CAMKMT: variants seen among roughly 807,000 people sequenced by gnomAD.
CAMKMT encodes calmodulin-lysine N-methyltransferase.
CAMKMT carries 53 observed loss-of-function variants against 48.0 expected under a neutral mutation model. The observed-to-expected ratio is 1.10, with a 90% confidence interval of 0.89 to 1.39. The LOEUF (loss-of-function observed/expected upper bound fraction) is 1.39. Among genes scored for constraint, CAMKMT ranks in the 40% most tolerant of loss-of-function variants. The probability of loss-of-function intolerance (pLI) is 0.00; values close to 1 mark genes in which losing one functional copy is unlikely to be tolerated. For missense variants in CAMKMT, 428 were observed against 402.7 expected, an observed-to-expected ratio of 1.06 and a Z score of -0.54; for synonymous variants, 165 against 152.3, an observed-to-expected ratio of 1.08 and a Z score of -0.61.
chr2:44,636,032 A>G (rs749278946), intron 3 of CAMKMT, among the ~76,000 whole-genome samples: 1 of 152,248 alleles, frequency 6.6e-6, no homozygotes, highest in Non-Finnish European at 1.5e-5. Context: ...ACAAAACCAA[A>G]GAAGTTGATT....
chr2:44,511,461 G>T (rs554035227), intron 3 of CAMKMT, among the ~76,000 whole-genome samples: 2 of 152,050 alleles, frequency 1.3e-5, no homozygotes, highest in East Asian at 3.9e-4. Flanking sequence ...GCTAATTTTT[G>T]TATTTTTGGT....
intron 2 of CAMKMT, among the ~76,000 whole-genome samples, chr2:44,377,028 A>G (rs1679767850): frequency 1.3e-5 from 2 of 151,980 alleles, no homozygotes; most frequent in Non-Finnish European, 2.9e-5. Context: ...CTCTTTTTTG[A>G]GACGGTCTCA....
intron 3 of CAMKMT, among the ~76,000 whole-genome samples, chr2:44,621,005 A>C (rs957377882): frequency 2.0e-5 from 3 of 152,228 alleles, no homozygotes; most frequent in African/African-American, 7.2e-5. Flanking sequence ...GCGGTGGCTC[A>C]CGCCTATAAT....
intron 3 of CAMKMT, among the ~76,000 whole-genome samples, chr2:44,565,749 C>G (rs1668580275): frequency 6.6e-6 from 1 of 151,706 alleles, no homozygotes; most frequent in Non-Finnish European, 1.5e-5. Context: ...TATGTGGAGC[C>G]AAAACCACTG....
intron 3 of CAMKMT, among the ~76,000 whole-genome samples, chr2:44,471,380 T>C (rs1434564750): frequency 1.3e-5 from 2 of 152,134 alleles, no homozygotes; most frequent in African/African-American, 4.8e-5. Context: ...AGTGGATCAC[T>C]TGAGTCTAGG....
intron 3 of CAMKMT, among the ~76,000 whole-genome samples, chr2:44,393,740 G>A (rs545130104): frequency 6.6e-6 from 1 of 152,258 alleles, no homozygotes; most frequent in East Asian, 1.9e-4. Context: ...ATGTCGCTCA[G>A]ATACCTTGGG....
intron 3 of CAMKMT, among the ~76,000 whole-genome samples, chr2:44,421,911 C>A (rs1683958631): frequency 6.6e-6 from 1 of 152,132 alleles, no homozygotes; most frequent in Admixed American, 6.6e-5. Flanking sequence ...CATTGGATAT[C>A]AAGCAATTCT....
Position 44,484,800 on chromosome 2 carries a change from G to A in CAMKMT, c.376+94495G>A, listed in dbSNP as rs114153116. Among the ~76,000 whole-genome samples, 874 of 152,032 alleles carry A rather than the reference G, an allele frequency of 5.7e-3. 7 individuals carry two copies. The highest frequency in any genetic ancestry group is 0.02 in the African/African-American group (818 of 41,478). On this transcript the variant is annotated intron_variant, in intron 3 of 10. Transcript: ENST00000378494. ...AGAAAGTAGAAATGTAAGTTACAGA[G>A]TAGGAGGCGGTATTTGAAATGCATA... is the stretch of plus-strand genomic sequence containing the variant.
At chr2:44,433,664 G>A (rs1232874849) in intron 3 of CAMKMT, among the ~76,000 whole-genome samples, 1 of 152,152 alleles carries the variant, frequency 6.6e-6, no homozygotes, top group Non-Finnish European at 1.5e-5. Flanking sequence ...TACTGAGCAT[G>A]ATAATGTCAT....
intron 2 of CAMKMT, among the ~76,000 whole-genome samples, chr2:44,388,157 G>C (rs764136214): frequency 1.3e-5 from 2 of 151,856 alleles, no homozygotes; most frequent in African/African-American, 2.4e-5. Context: ...TCTTCAGTTT[G>C]GTCATTTAAC....
At chr2:44,630,117 A>C (rs912625232) in intron 3 of CAMKMT, among the ~76,000 whole-genome samples, 1 of 151,992 alleles carries the variant, frequency 6.6e-6, no homozygotes, top group Non-Finnish European at 1.5e-5. Context: ...CTGATCTTTG[A>C]CAAACCTGAG....
Position 44,766,556 on chromosome 2 carries a change from T to C in CAMKMT, c.889T>C (p.Ser297Pro). Residue 297 changes from serine to proline, a missense_variant, in exon 10 of 11, where the codon TCC (serine) becomes CCC (proline). Transcript: ENST00000378494. ...NYDEHISNFH[S>P]KLKKENPDIY... is the part of the protein sequence containing the mutation. ...TGATGAACACATTTCAAACTTCCACTCCAAGGTTAGTTTTCTGCTTGTGTT... is the reference window on the plus strand; with the variant it reads ...TGATGAACACATTTCAAACTTCCACCCCAAGGTTAGTTTTCTGCTTGTGTT... The C allele has an allele frequency of 1.9e-6, 3 of 1,613,852 alleles. No individual in the cohort carries two copies. The highest frequency in any genetic ancestry group is 2.5e-6 in the Non-Finnish European group (3 of 1,179,994).
chr2:44,399,914 A>G (rs1682209432), intron 3 of CAMKMT, among the ~76,000 whole-genome samples: 1 of 152,214 alleles, frequency 6.6e-6, no homozygotes, highest in African/African-American at 2.4e-5. Flanking sequence ...TTTCACTCCC[A>G]AAAGTGCTCT....
At chr2:44,643,715 G>A (rs1014941081) in intron 3 of CAMKMT, among the ~76,000 whole-genome samples, 4 of 152,114 alleles carry the variant, frequency 2.6e-5, no homozygotes, top group Non-Finnish European at 5.9e-5. Flanking sequence ...GTATTTAAAA[G>A]TGACCATTAG....
At chr2:44,432,043 T>C (rs932530903) in intron 3 of CAMKMT, among the ~76,000 whole-genome samples, 3 of 152,330 alleles carry the variant, frequency 2.0e-5, no homozygotes, top group African/African-American at 7.2e-5. Flanking sequence ...TTACAGGCTT[T>C]CTTGACAGCA....
chr2:44,595,816 G>T (rs1184829397), intron 3 of CAMKMT, among the ~76,000 whole-genome samples: 1 of 152,144 alleles, frequency 6.6e-6, no homozygotes, highest in African/African-American at 2.4e-5. Context: ...AAAAAAGGAT[G>T]AATTCATGTC....
chr2:44,692,379 G>T (rs1676706189), intron 3 of CAMKMT, among the ~76,000 whole-genome samples: 1 of 152,144 alleles, frequency 6.6e-6, no homozygotes, highest in Admixed American at 6.5e-5. Context: ...ACAAATGAGA[G>T]AAGTGAGGCA....
At chr2:44,578,395 T>C (rs1235639135) in intron 3 of CAMKMT, among the ~76,000 whole-genome samples, 1 of 152,230 alleles carries the variant, frequency 6.6e-6, no homozygotes, top group Non-Finnish European at 1.5e-5. Flanking sequence ...CACATAATTA[T>C]GCTGCTGCTT....
At chr2:44,536,957 T>C (rs1468838574) in intron 3 of CAMKMT, among the ~76,000 whole-genome samples, 3 of 152,170 alleles carry the variant, frequency 2.0e-5, no homozygotes, top group Non-Finnish European at 4.4e-5. Context: ...TGGATATTTA[T>C]ATGCAGAAGA....
Sources: gnomAD v4.1 joint callset for allele counts (sites outside exome capture counted in the v4.1 genomes callset) on GRCh38, gnomAD v4.1.1 for gene constraint, MANE v1.5 for transcripts, NCBI Gene and HGNC (gene_info 2026-07-23, HGNC 2026-07-21) for gene names.